The following NXPE2 variants were observed in gnomAD, a reference collection of about 807,000 sequenced individuals.
NXPE2 encodes the protein NXPE family member 2.
NXPE2 carries 34 observed loss-of-function variants against 34.4 expected under a neutral mutation model. That is an observed-to-expected ratio of 0.99 (90% CI 0.75 to 1.31). The LOEUF (loss-of-function observed/expected upper bound fraction) is 1.31, where lower values mean the gene tolerates loss of function less well. Among genes scored for constraint, NXPE2 ranks in the 40% most tolerant of loss-of-function variants. The pLI, the probability that NXPE2 is intolerant of heterozygous loss-of-function variation, is 0.00. For synonymous variants in NXPE2, 235 were observed against 231.3 expected, an observed-to-expected ratio of 1.02 and a Z score of -0.15; for missense variants, 649 against 672.5, an observed-to-expected ratio of 0.97 and a Z score of 0.39.
the NXPE2 span, among the ~76,000 whole-genome samples, chr11:114,781,620 T>C: frequency 3.1e-3 from 478 of 152,006 alleles, 1 homozygote; most frequent in African/African-American, 0.011. Flanking sequence ...GCACAGTGCA[T>C]TGGGGAGGAA....
Position 114,703,993 on chromosome 11 carries a change from C to A in NXPE2, c.869C>A (p.Ser290Tyr), listed in dbSNP as rs190165623. ...SKEEWRLFHR[S>Y]NIGVEMMKNF... Reference sequence around the variant, plus strand: ...ATTTATTTTCCCATTTCTTGCAGGTCCAACATAGGAGTTGAAATGATGAAG... The same window carrying A: ...ATTTATTTTCCCATTTCTTGCAGGTACAACATAGGAGTTGAAATGATGAAG... Residue 290 changes from serine to tyrosine, a missense_variant and splice_region_variant, in exon 4 of 6, where the codon TCC becomes TAC. Coordinates refer to ENST00000389586, the MANE Select transcript of NXPE2 (RefSeq NM_182495.6). 6.5e-7 allele frequency: 1 copy of A among 1,550,360 alleles called. No homozygotes were observed. Among genetic ancestry groups the A allele is most frequent in the East Asian group, 2.4e-5 (1 of 41,026 alleles).
chr11:114,653,020 G>A, the NXPE2 span, among the ~76,000 whole-genome samples: 7 of 152,106 alleles, frequency 4.6e-5, no homozygotes, highest in Non-Finnish European at 8.8e-5. Flanking sequence ...AATCTGGGGG[G>A]TTCTGCTGAT....
At chr11:114,749,849 C>T in the NXPE2 span, among the ~76,000 whole-genome samples, 9 of 152,130 alleles carry the variant, frequency 5.9e-5, no homozygotes, top group Non-Finnish European at 1.3e-4. Flanking sequence ...TCTTCTTCAC[C>T]CTGCTCAAGC....
the NXPE2 span, among the ~76,000 whole-genome samples, chr11:114,651,022 T>G: frequency 1.5e-4 from 23 of 152,154 alleles, no homozygotes; most frequent in Admixed American, 1.5e-3. Flanking sequence ...CAACAAAGAA[T>G]TTGAAGTCTG....
intron 2 of NXPE2, among the ~76,000 whole-genome samples, chr11:114,686,979 A>G (rs920928975): frequency 6.6e-6 from 1 of 151,860 alleles, no homozygotes; most frequent in African/African-American, 2.4e-5. Flanking sequence ...TTTCCTGTTG[A>G]TTTGTTTAAG....
At chr11:114,799,575 C>T in the NXPE2 span, among the ~76,000 whole-genome samples, 6 of 152,126 alleles carry the variant, frequency 3.9e-5, no homozygotes, top group Non-Finnish European at 7.4e-5. Context: ...GCAGTCAGCC[C>T]GACAAGGAGA....
chr11:114,744,290 C>G, the NXPE2 span, among the ~76,000 whole-genome samples: 3 of 152,182 alleles, frequency 2.0e-5, no homozygotes, highest in Admixed American at 2.0e-4. Context: ...ATATTTCAAT[C>G]TTAGCCTTTG....
chr11:114,668,592 G>A, the NXPE2 span, among the ~76,000 whole-genome samples: 1 of 152,026 alleles, frequency 6.6e-6, no homozygotes, highest in African/African-American at 2.4e-5. Context: ...CAGCCATAAG[G>A]TATATAAGGG....
chr11:114,812,403 T>C, the NXPE2 span, among the ~76,000 whole-genome samples: 1 of 152,234 alleles, frequency 6.6e-6, no homozygotes, highest in Non-Finnish European at 1.5e-5. Flanking sequence ...AGAATTATTT[T>C]CAATGTAGAG....
At chr11:114,579,691 A>C in the NXPE2 span, among the ~76,000 whole-genome samples, 1 of 152,352 alleles carries the variant, frequency 6.6e-6, no homozygotes, top group East Asian at 1.9e-4. Context: ...TTGACAGATG[A>C]GAAAACTGAG....
chr11:114,607,498 G>A, the NXPE2 span, among the ~76,000 whole-genome samples: 103 of 151,850 alleles, frequency 6.8e-4, no homozygotes, highest in African/African-American at 2.4e-3. Context: ...ATTACCGGCT[G>A]GATACTAAGT....
chr11:114,632,770 A>AATTATAT, the NXPE2 span, among the ~76,000 whole-genome samples: 27 of 7,668 alleles, frequency 3.5e-3, no homozygotes, highest in Non-Finnish European at 4.5e-3. Flanking sequence ...TATATTATAT[A>AATTATAT]ATTATATATT....
chr11:114,543,225 G>A, the NXPE2 span, among the ~76,000 whole-genome samples: 4 of 152,074 alleles, frequency 2.6e-5, no homozygotes, highest in Admixed American at 6.6e-5. Context: ...GCATGGTGGC[G>A]GGCAGCTGTA....
chr11:114,489,965 T>C, the NXPE2 span, among the ~76,000 whole-genome samples: 1 of 152,184 alleles, frequency 6.6e-6, no homozygotes, highest in African/African-American at 2.4e-5. Context: ...AACCCCGTCG[T>C]CTCAGCCCAA....
intron 2 of NXPE2, 109 bp from the exon 3 acceptor site, chr11:114,697,936 T>C: frequency 9.3e-7 from 1 of 1,075,080 alleles, no homozygotes; most frequent in Non-Finnish European, 1.3e-6. Context: ...CGATTTTTGA[T>C]ATTTAATTTA....
chr11:114,470,369 C>T, the NXPE2 span, among the ~76,000 whole-genome samples: 1 of 152,100 alleles, frequency 6.6e-6, no homozygotes, highest in African/African-American at 2.4e-5. Context: ...TATGCTTACT[C>T]ATTAGGATTT....
At chr11:114,662,286 T>C in the NXPE2 span, among the ~76,000 whole-genome samples, 2 of 152,122 alleles carry the variant, frequency 1.3e-5, no homozygotes, top group African/African-American at 2.4e-5. Context: ...TGCCCTGTTA[T>C]AGCAGACAGC....
chr11:114,737,953 G>A, the NXPE2 span, among the ~76,000 whole-genome samples: 146 of 152,286 alleles, frequency 9.6e-4, no homozygotes, highest in African/African-American at 3.4e-3. Flanking sequence ...CGGGCGTGGT[G>A]GTGCTGGCCT....
the NXPE2 span, among the ~76,000 whole-genome samples, chr11:114,576,935 C>T: frequency 6.8e-6 from 1 of 147,368 alleles, no homozygotes; most frequent in Non-Finnish European, 1.5e-5. Context: ...AAGGAACCAG[C>T]CCAAATGCCC....
Sources: gnomAD v4.1 joint callset for allele counts (sites outside exome capture counted in the v4.1 genomes callset) on GRCh38, gnomAD v4.1.1 for gene constraint, MANE v1.5 for transcripts, NCBI Gene and HGNC (gene_info 2026-07-23, HGNC 2026-07-21) for gene names.